RELL2: variants seen among roughly 807,000 people sequenced by gnomAD.
RELL2 encodes RELT-like protein 2.
RELL2 carries 18 observed loss-of-function variants against 27.5 expected under a neutral mutation model. The observed-to-expected ratio is 0.65, with a 90% CI of 0.45 to 0.97. The LOEUF is 0.97. Among genes scored for constraint, RELL2 ranks in the 50% least tolerant of loss-of-function variants. RELL2 has a pLI of 0.00. For synonymous variants in RELL2, 156 were observed against 147.5 expected, an observed-to-expected ratio of 1.06 and a Z score of -0.42; for missense variants, 370 against 397.5, an observed-to-expected ratio of 0.93 and a Z score of 0.59.
Position 141,638,877 on chromosome 5 carries a change from C to T in RELL2, c.250+17C>T. The stretch of plus-strand genomic sequence containing the variant: ...AGAATGAAGGTGGGTCTAGCATAGC[C>T]CCTTGCTCCCTCTTCTCCAACCTTC... On this transcript the variant is annotated intron_variant, in intron 2 of 6. Transcript: ENST00000297164. The T allele has an allele frequency of 1.2e-6, 2 of 1,613,376 alleles. No homozygotes were observed. Among genetic ancestry groups the T allele is most frequent in the Non-Finnish European group, 1.7e-6 (2 of 1,179,280 alleles).
At position 141,639,654 on chromosome 5, in the gene RELL2, G is replaced by T; in HGVS notation, c.503+5G>T. The T allele has an allele frequency of 6.3e-7, 1 of 1,593,940 alleles. No individual in the cohort carries two copies. The highest frequency in any genetic ancestry group is 8.5e-7 in the Non-Finnish European group (1 of 1,170,020). On this transcript the variant is annotated splice_donor_5th_base_variant and intron_variant, in intron 4 of 6. Coordinates refer to ENST00000297164, the MANE Select transcript of RELL2 (RefSeq NM_173828.5). This position sits in a 1 kb window ranked among gnomAD's most constrained non-coding sequence, Gnocchi z 4.4. ...CACTGTGTTCTCTGTGGGCAGGTGG[G>T]GCAGGTGCTCCAGGGAAAGGGGGGC...
Position 141,638,307 on chromosome 5 carries a change from A to T in RELL2, c.82A>T (p.Met28Leu), listed in dbSNP as rs2099906387. The change falls in exon 1 of 7, where the codon ATG becomes TTG. Residue 28 changes from methionine (M) to leucine (L), a missense_variant. Transcript: ENST00000297164. Reference protein sequence around the residue: ...LFLLVLVFFLMGLVGFMICHV... With the variant: ...LFLLVLVFFLLGLVGFMICHV... The stretch of plus-strand genomic sequence containing the variant: ...CCTGCTTGTGCTGGTCTTCTTCCTC[A>T]TGGGCCTGGTAGGCTTCATGATCTG... 6.2e-7 allele frequency: 1 copy of T among 1,613,856 alleles called. No individual in the cohort carries two copies. Among genetic ancestry groups the T allele is most frequent in the East Asian group, 2.2e-5 (1 of 44,818 alleles).
Position 141,637,918 on chromosome 5 carries a change from G to A in RELL2, c.-308G>A, listed in dbSNP as rs2099906302. The A allele has an allele frequency of 9.8e-6, 3 of 304,928 alleles. No homozygotes were observed. Among genetic ancestry groups the A allele is most frequent in the Non-Finnish European group, 1.9e-5 (3 of 161,316 alleles). 18.9% of individuals were successfully genotyped at this position (304,928 alleles called of 1,614,324 possible). ...TAAGAATGCCGTCCCATCTCGTGCT[G>A]CAGTGTCCTTGGGAGGGACAGAAGC... On this transcript the variant is annotated 5_prime_UTR_variant, in exon 1 of 7. Transcript: ENST00000297164.
chr5:141,641,033 A>C lies in RELL2; in HGVS notation c.*364A>C. 2 of 360,346 alleles carry C rather than the reference A, an allele frequency of 5.6e-6. No individual in the cohort carries two copies. The highest frequency in any genetic ancestry group is 7.4e-4 in the Middle Eastern group (1 of 1,360). 22.3% of individuals were successfully genotyped at this position (360,346 alleles called of 1,614,324 possible). ...CCCTGGCCTGGCCTTCGTGCCCTTT[A>C]TTCATTGTCAATAAATCCGCTCAGA... is the stretch of plus-strand genomic sequence containing the variant. On this transcript the variant is annotated 3_prime_UTR_variant, in exon 7 of 7. Coordinates refer to ENST00000297164, the MANE Select transcript of RELL2 (RefSeq NM_173828.5).
Position 141,638,398 on chromosome 5 carries a change from A to G in RELL2, c.173A>G (p.Gln58Arg). Reference sequence around the variant, plus strand: ...AGGGGCTCTGAGCCTGACGATGCCCAGCTTCAGCCCCGTGAGTGAGGAGCC... The same window carrying G: ...AGGGGCTCTGAGCCTGACGATGCCCGGCTTCAGCCCCGTGAGTGAGGAGCC... ...TSRGSEPDDA[Q>R]LQPPEDDDMN... Residue 58 changes from glutamine to arginine, a missense_variant, in exon 1 of 7, where the codon CAG (glutamine) becomes CGG (arginine). Physicochemically the swap from Gln to Arg is conservative, Grantham distance 43. Transcript: ENST00000297164. The G allele has an allele frequency of 6.2e-7, 1 of 1,610,644 alleles. No individual in the cohort carries two copies. Among genetic ancestry groups the G allele is most frequent in the Admixed American group, 1.7e-5 (1 of 59,876 alleles).
intron 1 of RELL2, 66 bp from the exon 2 acceptor site, chr5:141,638,729 C>A: frequency 1.5e-6 from 2 of 1,341,302 alleles, no homozygotes; most frequent in Non-Finnish European, 2.1e-6. Flanking sequence ...TGATGGGAGC[C>A]ACCAGGTAAT....
At position 141,639,799 on chromosome 5, in the gene RELL2, G is replaced by C; in HGVS notation, c.504-121G>C. 1.5e-6 allele frequency: 2 copies of C among 1,296,208 alleles called. No homozygotes were observed. The highest frequency in any genetic ancestry group is 2.2e-6 in the Non-Finnish European group (2 of 915,632). 80.3% of individuals were successfully genotyped at this position (1,296,208 alleles called of 1,614,324 possible). ...ACAATGTGCCCCACAATCTGAGAAG[G>C]CCTCCCCTACCTTAGGCCAGAGGGA... On this transcript the variant is annotated intron_variant, in intron 4 of 6. Transcript: ENST00000297164. The surrounding 1 kb of genome is among the most constrained non-coding windows in gnomAD (Gnocchi z 4.4).
Position 141,640,711 on chromosome 5 carries a change from A to AG in RELL2, c.*47dup. 1.3e-6 allele frequency: 2 copies of AG among 1,531,608 alleles called. No homozygotes were observed. The highest frequency in any genetic ancestry group is 8.7e-7 in the Non-Finnish European group (1 of 1,144,192). The allele number at this position is 1,531,608 out of a possible 1,614,324, so 94.9% of individuals were successfully genotyped here. On this transcript the variant is annotated 3_prime_UTR_variant, in exon 7 of 7. Coordinates refer to ENST00000297164, the MANE Select transcript of RELL2 (RefSeq NM_173828.5). ...TGATGGACTACCAGCTGGCAGGGCC[A>AG]GGGGGTGGGTGGGCGTGAAAGCCCT...
chr5:141,640,224 G>A lies in RELL2; in HGVS notation c.808G>A (p.Gly270Ser). ...AEPTLRAGGRGPSPGLPTQEA... is the reference protein window; with the variant it reads ...AEPTLRAGGRSPSPGLPTQEA... ...GCCAACACTGAGGGCCGGAGGGAGGGGCCCAAGCCCAGGGCTGCCCACTCA... is the reference window on the plus strand; with the variant it reads ...GCCAACACTGAGGGCCGGAGGGAGGAGCCCAAGCCCAGGGCTGCCCACTCA... The change falls in exon 5 of 7, where the codon GGC (glycine) becomes AGC (serine). Residue 270 changes from glycine (G) to serine (S), a missense_variant. Transcript: ENST00000297164. 1 of 1,614,186 alleles carries A rather than the reference G, an allele frequency of 6.2e-7. No homozygotes were observed. The highest frequency in any genetic ancestry group is 8.5e-7 in the Non-Finnish European group (1 of 1,180,006).
Position 141,637,500 on chromosome 5 carries a change from G to A in RELL2, c.-726G>A, listed in dbSNP as rs1351692243. ...TGCGGAGGCGATCTCCCTGACCCAGGGCCGGAGTTGCCCGGAGCCTGCCAC... is the reference window on the plus strand; with the variant it reads ...TGCGGAGGCGATCTCCCTGACCCAGAGCCGGAGTTGCCCGGAGCCTGCCAC... On this transcript the variant is annotated 5_prime_UTR_variant, in exon 1 of 7. Transcript: ENST00000297164. 2 of 152,450 alleles carry A rather than the reference G, an allele frequency of 1.3e-5. No individual in the cohort carries two copies. Among genetic ancestry groups the A allele is most frequent in the African/African-American group, 2.4e-5 (1 of 41,472 alleles). The allele number at this position is 152,450 out of a possible 1,614,324, so 9.4% of individuals were successfully genotyped here.
Position 141,639,315 on chromosome 5 carries a change from T to C in RELL2, c.318-149T>C. Reference sequence around the variant, plus strand: ...ACATATGGTCACTAACATCTTAATATTGAGTTTATTAGATAAAGACAAGAA... The same window carrying C: ...ACATATGGTCACTAACATCTTAATACTGAGTTTATTAGATAAAGACAAGAA... On this transcript the variant is annotated intron_variant, in intron 3 of 6. Coordinates refer to ENST00000297164, the MANE Select transcript of RELL2 (RefSeq NM_173828.5). The surrounding 1 kb of genome is among the most constrained non-coding windows in gnomAD (Gnocchi z 4.4). The C allele has an allele frequency of 3.1e-6, 2 of 650,690 alleles. No homozygotes were observed. The highest frequency in any genetic ancestry group is 5.2e-6 in the Non-Finnish European group (2 of 384,108). The allele number at this position is 650,690 out of a possible 1,614,324, so 40.3% of individuals were successfully genotyped here. A position where few individuals can be genotyped will look rare whatever the true frequency, so the allele number is the denominator to read the frequency against.
Position 141,639,104 on chromosome 5 carries a change from T to C in RELL2, c.317+83T>C. 2.4e-6 allele frequency: 3 copies of C among 1,233,024 alleles called. No homozygotes were observed. Among genetic ancestry groups the C allele is most frequent in the Non-Finnish European group, 3.5e-6 (3 of 867,266 alleles). 76.4% of individuals were successfully genotyped at this position (1,233,024 alleles called of 1,614,324 possible). On this transcript the variant is annotated intron_variant, in intron 3 of 6. Coordinates refer to ENST00000297164, the MANE Select transcript of RELL2 (RefSeq NM_173828.5). This position sits in a 1 kb window ranked among gnomAD's most constrained non-coding sequence, Gnocchi z 4.4. ...CCAGCACAATCCTCTCCCAGCCTCC[T>C]TGCATGTATGGGGTTGGGGGAAGGG...
Position 141,639,607 on chromosome 5 carries a change from G to A in RELL2, c.461G>A (p.Ser154Asn). Reference protein sequence around the residue: ...VRQGRSKEGKSRPRTGETTVF... With the variant: ...VRQGRSKEGKNRPRTGETTVF... Reference sequence around the variant, plus strand: ...CAGGGACGCTCCAAGGAAGGAAAAAGCCGCCCCCGGACAGGGGAGACCACT... The same window carrying A: ...CAGGGACGCTCCAAGGAAGGAAAAAACCGCCCCCGGACAGGGGAGACCACT... Residue 154 changes from serine (S) to asparagine (N), a missense_variant, in exon 4 of 7, where the codon AGC (serine) becomes AAC (asparagine). By Grantham distance (46) the Ser-to-Asn change is conservative. Transcript: ENST00000297164. This position sits in a 1 kb window ranked among gnomAD's most constrained non-coding sequence, Gnocchi z 4.4. 1 of 1,613,542 alleles carries A rather than the reference G, an allele frequency of 6.2e-7. No homozygotes were observed. Among genetic ancestry groups the A allele is most frequent in the Non-Finnish European group, 8.5e-7 (1 of 1,179,940 alleles).
rs2099906144 is a variant in RELL2 at position 141,637,064 on chromosome 5, C to G, written c.-1162C>G. On this transcript the variant is annotated 5_prime_UTR_variant, in exon 1 of 7. Transcript: ENST00000297164. The stretch of plus-strand genomic sequence containing the variant: ...GGATGCGAGGGCCATTTGTCTCCGG[C>G]CGGGGGTCAGATCCTCGGGAAGCCG... 3 of 338,358 alleles carry G rather than the reference C, an allele frequency of 8.9e-6. No individual in the cohort carries two copies. Among genetic ancestry groups the G allele is most frequent in the Admixed American group, 4.9e-5 (1 of 20,300 alleles). 21.0% of individuals were successfully genotyped at this position (338,358 alleles called of 1,614,324 possible).
chr5:141,638,033 C>A lies in RELL2; in HGVS notation c.-193C>A. 1.8e-6 allele frequency: 1 copy of A among 555,502 alleles called. No individual in the cohort carries two copies. The highest frequency in any genetic ancestry group is 3.2e-6 in the Non-Finnish European group (1 of 311,964). 34.4% of individuals were successfully genotyped at this position (555,502 alleles called of 1,614,324 possible). The stretch of plus-strand genomic sequence containing the variant: ...AGCTTGCGTTGCCGCTGACCTCTTG[C>A]CGAAAGGCGAAACAGCACTCCTGGC... On this transcript the variant is annotated 5_prime_UTR_variant, in exon 1 of 7. Transcript: ENST00000297164.
In RELL2 at chr5:141,639,880, G is replaced by C; in HGVS notation, c.504-40G>C. Reference sequence around the variant, plus strand: ...CAGAGGGGAGGGCCAAGCAGCCTCTGAGTTGTGGTCCTAAACCCCAGTGTT... The same window carrying C: ...CAGAGGGGAGGGCCAAGCAGCCTCTCAGTTGTGGTCCTAAACCCCAGTGTT... On this transcript the variant is annotated intron_variant, in intron 4 of 6. Coordinates refer to ENST00000297164, the MANE Select transcript of RELL2 (RefSeq NM_173828.5). This position sits in a 1 kb window ranked among gnomAD's most constrained non-coding sequence, Gnocchi z 4.4. 6.2e-7 allele frequency: 1 copy of C among 1,607,940 alleles called. No individual in the cohort carries two copies. Among genetic ancestry groups the C allele is most frequent in the Non-Finnish European group, 8.5e-7 (1 of 1,175,570 alleles).
Position 141,640,076 on chromosome 5 carries a change from G to C in RELL2, c.660G>C (p.Glu220Asp). ...GQPKAGMPAM[E>D]RLPPERPQPQ... ...CCAAGGCAGGGATGCCTGCCATGGAGAGGCTGCCCCCTGAGAGGCCACAGC... is the reference window on the plus strand; with the variant it reads ...CCAAGGCAGGGATGCCTGCCATGGACAGGCTGCCCCCTGAGAGGCCACAGC... Residue 220 changes from glutamate to aspartate, a missense_variant, in exon 5 of 7, where the codon GAG becomes GAC. Glu to Asp is a conservative substitution (Grantham distance 45). Transcript: ENST00000297164. 1 of 1,613,640 alleles carries C rather than the reference G, an allele frequency of 6.2e-7. No individual in the cohort carries two copies. The highest frequency in any genetic ancestry group is 1.1e-5 in the South Asian group (1 of 91,080).
At position 141,640,251 on chromosome 5, in the gene RELL2, G is replaced by T; in HGVS notation, c.835G>T (p.Glu279Ter). ...RGPSPGLPTQ[E>*]ANGQPSKPDT... ...CCCAAGCCCAGGGCTGCCCACTCAA[G>T]AGGCAAATGGGCAGCCAAGCAAACC... Residue 279 changes from glutamate to a stop codon, truncating the protein, a stop_gained, in exon 5 of 7, where the codon GAG becomes TAG. Coordinates refer to ENST00000297164, the MANE Select transcript of RELL2 (RefSeq NM_173828.5). LOFTEE classifies it high-confidence loss of function. The T allele has an allele frequency of 6.2e-7, 1 of 1,614,082 alleles. No homozygotes were observed. Among genetic ancestry groups the T allele is most frequent in the South Asian group, 1.1e-5 (1 of 91,090 alleles).
chr5:141,638,150 TA>T lies in RELL2; in HGVS notation c.-75del, dbSNP rs1397304218. ...TTTCAGATCCTGAGGACGGCATTCC[TA>T]CCCCTCCCCCATTCCCAGCTGCAGC... On this transcript the variant is annotated 5_prime_UTR_variant, in exon 1 of 7. Transcript: ENST00000297164. 1.1e-6 allele frequency: 1 copy of T among 911,050 alleles called. No homozygotes were observed. The highest frequency in any genetic ancestry group is 1.7e-5 in the African/African-American group (1 of 60,550). 56.4% of individuals were successfully genotyped at this position (911,050 alleles called of 1,614,324 possible).
Sources: gnomAD v4.1 joint callset for allele counts on GRCh38, gnomAD v4.1.1 for gene constraint, Gnocchi (gnomAD v3.1) non-coding constraint, MANE v1.5 for transcripts, NCBI Gene and HGNC (gene_info 2026-07-23, HGNC 2026-07-21) for gene names.